Variants in FOCAD observed in about 807,000 individuals in gnomAD.
The protein encoded by FOCAD is focadhesin, also known as KIAA1797.
In FOCAD, 198 loss-of-function variants were observed where a neutral mutation model predicts 225.6. The observed-to-expected ratio is 0.88, with a 90% CI of 0.78 to 0.99. The LOEUF (loss-of-function observed/expected upper bound fraction) is 0.99, where lower values mean the gene tolerates loss of function less well. FOCAD is among the 50% of genes least tolerant of loss of function. The pLI is 0.00. For missense variants in FOCAD, 2,713 were observed against 2,123.6 expected, an observed-to-expected ratio of 1.28 and a Z score of -5.46; for synonymous variants, 897 against 755.0, an observed-to-expected ratio of 1.19 and a Z score of -3.08.
intron 15 of FOCAD, among the ~76,000 whole-genome samples, chr9:20,827,352 C>T (rs960259659): frequency 5.3e-5 from 8 of 152,086 alleles, no homozygotes; most frequent in African/African-American, 1.7e-4. Context: ...TTTCAAGGTT[C>T]ATCCATGTTA....
intron 11 of FOCAD, among the ~76,000 whole-genome samples, chr9:20,800,902 C>T (rs1821744483): frequency 6.6e-6 from 1 of 152,150 alleles, no homozygotes; most frequent in Admixed American, 6.5e-5. Flanking sequence ...GAGCTGCATT[C>T]CTTTGGAGGA....
chr9:20,687,138 G>C (rs1025346444), intron 1 of FOCAD, among the ~76,000 whole-genome samples: 2 of 151,980 alleles, frequency 1.3e-5, no homozygotes, highest in Non-Finnish European at 2.9e-5. Flanking sequence ...CAAAACCCTT[G>C]ACTTTAAATA....
At chr9:20,941,041 C>G in intron 28 of FOCAD, among the ~76,000 whole-genome samples, 1 of 151,998 alleles carries the variant, frequency 6.6e-6, no homozygotes, top group South Asian at 2.1e-4. Context: ...AAAGTATTCC[C>G]TTATCTAATG....
At chr9:20,900,475 A>AT (rs1832464635) in intron 21 of FOCAD, among the ~76,000 whole-genome samples, 1 of 151,620 alleles carries the variant, frequency 6.6e-6, no homozygotes, top group Non-Finnish European at 1.5e-5. Flanking sequence ...CCTCCTTTAA[A>AT]TTTTTTCCCT....
intron 4 of FOCAD, among the ~76,000 whole-genome samples, chr9:20,725,123 G>A (rs1368666275): frequency 6.6e-6 from 1 of 152,214 alleles, no homozygotes; most frequent in East Asian, 1.9e-4. Context: ...ATTGAGCCAA[G>A]ATCGCACTAC....
intron 4 of FOCAD, among the ~76,000 whole-genome samples, chr9:20,724,546 C>T (rs1352851448): frequency 6.6e-6 from 1 of 152,064 alleles, no homozygotes; most frequent in Non-Finnish European, 1.5e-5. Context: ...TGAAGCTAAC[C>T]AATTTAATTT....
chr9:20,756,755 A>G (rs1263461683), intron 5 of FOCAD, among the ~76,000 whole-genome samples: 4 of 152,212 alleles, frequency 2.6e-5, no homozygotes, highest in South Asian at 2.1e-4. Flanking sequence ...GAGAATCACC[A>G]TGAAGGCAAT....
intron 11 of FOCAD, among the ~76,000 whole-genome samples, chr9:20,818,872 C>G (rs1361873951): frequency 6.6e-6 from 1 of 151,970 alleles, no homozygotes; most frequent in Non-Finnish European, 1.5e-5. Flanking sequence ...TTTACACATG[C>G]GTTTATGATC....
intron 33 of FOCAD, 114 bp from the exon 34 acceptor site, chr9:20,950,882 G>A (rs563341407): frequency 5.6e-4 from 456 of 812,326 alleles, no homozygotes; most frequent in Non-Finnish European, 8.4e-4. Flanking sequence ...AGGACTGCTC[G>A]TTGCCAGCCA....
chr9:20,679,099 A>T (rs904292584), intron 2 of FOCAD, among the ~76,000 whole-genome samples: 18 of 147,906 alleles, frequency 1.2e-4, no homozygotes, highest in Non-Finnish European at 2.7e-4. Context: ...ACAAGGTCAA[A>T]GGGGCAACAG....
chr9:20,923,702 C>A lies in FOCAD; in HGVS notation c.2895C>A (p.Ser965Arg), dbSNP rs531493485. 1 of 1,613,974 alleles carries A rather than the reference C, an allele frequency of 6.2e-7. No individual in the cohort carries two copies. Among genetic ancestry groups the A allele is most frequent in the African/African-American group, 1.3e-5 (1 of 74,930 alleles). The stretch of plus-strand genomic sequence containing the variant: ...AAGGCAATGCGCTGTTAGCTCTAAG[C>A]AGCCTTGCTGTCGTCGTATCTAGAC... Reference protein sequence around the residue: ...VVKGNALLALSSLAVVVSRHE... With the variant: ...VVKGNALLALRSLAVVVSRHE... Residue 965 changes from serine to arginine, a missense_variant, in exon 25 of 44, where the codon AGC (serine) becomes AGA (arginine). By Grantham distance (110) the Ser-to-Arg change is moderately radical. Transcript: ENST00000338382.
intron 1 of FOCAD, among the ~76,000 whole-genome samples, chr9:20,690,160 A>G (rs1452021272): frequency 6.6e-6 from 1 of 152,146 alleles, no homozygotes; most frequent in African/African-American, 2.4e-5. Flanking sequence ...TTTACCTAAG[A>G]TTGCCATCTG....
chr9:20,835,197 A>T (rs1480207912), intron 15 of FOCAD, among the ~76,000 whole-genome samples: 1 of 151,986 alleles, frequency 6.6e-6, no homozygotes, highest in African/African-American at 2.4e-5. Flanking sequence ...TATAAAAGCT[A>T]CCTTTTTTTC....
chr9:20,820,056 A>G (rs963493094), intron 12 of FOCAD, among the ~76,000 whole-genome samples, 156 bp downstream of exon 12: 2 of 152,076 alleles, frequency 1.3e-5, no homozygotes, highest in East Asian at 1.9e-4. Context: ...AAAAGTATTT[A>G]TTACAATATT....
chr9:20,941,697 G>C (rs368007067), intron 28 of FOCAD, among the ~76,000 whole-genome samples: 4 of 152,106 alleles, frequency 2.6e-5, no homozygotes, highest in Non-Finnish European at 4.4e-5. Flanking sequence ...TTTATCATTT[G>C]TTAGCACTCT....
In FOCAD at chr9:20,772,757, G is replaced by A. The variant is rs186089113; in HGVS notation, c.906+2519G>A. On this transcript the variant is annotated intron_variant, in intron 8 of 43. Transcript: ENST00000338382. Reference sequence around the variant, plus strand: ...AGAGTAAATGTAGATTTTGATGGAAGTTGGGAGCCCAGGAAGACTCAAGTA... The same window carrying A: ...AGAGTAAATGTAGATTTTGATGGAAATTGGGAGCCCAGGAAGACTCAAGTA... Among the ~76,000 whole-genome samples the A allele has an allele frequency of 1.5e-3, 224 of 152,158 alleles. 3 individuals carry two copies. Among genetic ancestry groups the A allele is most frequent in the Admixed American group, 0.012 (189 of 15,282 alleles).
upstream of FOCAD, among the ~76,000 whole-genome samples, chr9:20,658,025 G>T (rs1421262313): frequency 7.0e-6 from 1 of 142,156 alleles, no homozygotes; most frequent in African/African-American, 2.6e-5. Context: ...AGGTCTGTTG[G>T]AATACCCTGC....
intron 1 of FOCAD, among the ~76,000 whole-genome samples, chr9:20,708,201 C>T (rs1222890206): frequency 1.3e-5 from 2 of 152,004 alleles, no homozygotes; most frequent in East Asian, 3.8e-4. Context: ...AAGCCATCCA[C>T]AACAAGTAAG....
intron 1 of FOCAD, among the ~76,000 whole-genome samples, chr9:20,699,954 C>T (rs1296171561): frequency 6.6e-6 from 1 of 150,636 alleles, no homozygotes; most frequent in Non-Finnish European, 1.5e-5. Flanking sequence ...AGCATTTCAC[C>T]CCAAGATCCT....
Sources: allele counts gnomAD v4.1 joint callset (sites outside exome capture counted in the v4.1 genomes callset), GRCh38; gene constraint gnomAD v4.1.1; transcripts MANE v1.5; gene names NCBI Gene and HGNC (gene_info 2026-07-23, HGNC 2026-07-21).